Variants in ALOX5AP observed in about 807,000 individuals in gnomAD.
ALOX5AP encodes the protein arachidonate 5-lipoxygenase activating protein, also known as arachidonate 5-lipoxygenase-activating protein.
A neutral mutation model predicts 18.5 loss-of-function variants in ALOX5AP; 9 were observed. The observed-to-expected ratio is 0.49, with a 90% CI of 0.29 to 0.85. The LOEUF is 0.85. Ranked by LOEUF, ALOX5AP falls within the 40% of genes least tolerant of loss-of-function variation. The pLI is 0.08. For synonymous variants in ALOX5AP, 81 were observed against 78.6 expected (o/e 1.03, Z -0.16); for missense variants, 172 against 202.5 (o/e 0.85, Z 0.91).
upstream of ALOX5AP, among the ~76,000 whole-genome samples, chr13:30,731,942 T>G (rs1054556204): frequency 6.6e-6 from 1 of 152,234 alleles, no homozygotes; most frequent in Non-Finnish European, 1.5e-5. Flanking sequence ...TGTCTTTTTG[T>G]TCTGTCTCAG....
intron 1 of ALOX5AP, among the ~76,000 whole-genome samples, chr13:30,725,822 A>G (rs1378673369): frequency 6.6e-6 from 1 of 152,204 alleles, no homozygotes; most frequent in East Asian, 1.9e-4. Context: ...GCTTCTGATC[A>G]TGGGCTTCAC....
At chr13:30,756,788 G>A (rs1242535643) in intron 4 of ALOX5AP, among the ~76,000 whole-genome samples, 4 of 129,368 alleles carry the variant, frequency 3.1e-5, no homozygotes, top group Admixed American at 2.9e-4. Flanking sequence ...ACTCCAGCCT[G>A]GGCAACAAAA....
intron 1 of ALOX5AP, among the ~76,000 whole-genome samples, chr13:30,728,958 C>T (rs1019399188): frequency 6.6e-6 from 1 of 152,212 alleles, no homozygotes; most frequent in Non-Finnish European, 1.5e-5. Flanking sequence ...GTTCCAGTTG[C>T]TCCATACCCT....
intron 1 of ALOX5AP, among the ~76,000 whole-genome samples, chr13:30,719,330 C>A (rs144831212): frequency 6.6e-6 from 1 of 152,344 alleles, no homozygotes; most frequent in East Asian, 1.9e-4. Flanking sequence ...AGCTTCATTG[C>A]ATGCACATGG....
rs139556411 is a variant in ALOX5AP, at chr13:30,744,541, C to G, written c.170+382C>G. On this transcript the variant is annotated intron_variant, in intron 2 of 4. Coordinates refer to ENST00000380490, the MANE Select transcript of ALOX5AP (RefSeq NM_001629.4). ...CTTCAGAAGCCACAGGCAGGACATG[C>G]TGACGACAGCCTTCAACTCACCCAC... 4.1e-3 allele frequency: 695 copies of G among 168,544 alleles called. 2 individuals are homozygous for G. The highest frequency in any genetic ancestry group is 0.011 in the Admixed American group (188 of 17,146). The allele number at this position is 168,544 out of a possible 1,614,324, so 10.4% of individuals were successfully genotyped here.
At chr13:30,733,103 G>A (rs757318855), upstream of ALOX5AP, among the ~76,000 whole-genome samples, 1 of 149,382 alleles carries the variant, frequency 6.7e-6, no homozygotes, top group Non-Finnish European at 1.5e-5. Flanking sequence ...AGCTTGCAGT[G>A]AGCTGAGATC....
chr13:30,755,875 C>A, intron 3 of ALOX5AP, 69 bp from the exon 4 acceptor site: 3 of 1,461,782 alleles, frequency 2.1e-6, no homozygotes, highest in South Asian at 2.3e-5. Flanking sequence ...ATGTTGATTG[C>A]CTAATTGGGC....
At position 30,741,104 on chromosome 13, in the gene ALOX5AP, T is replaced by G. The variant is rs78339537; in HGVS notation, c.71-2956T>G. On this transcript the variant is annotated intron_variant, in intron 1 of 4. Coordinates refer to ENST00000380490, the MANE Select transcript of ALOX5AP (RefSeq NM_001629.4). ...TAACCTACACACATCCTCCATATCC[T>G]TTTTTTTTTTTTTTTTTTTTTTTTT... Among the ~76,000 whole-genome samples the G allele has an allele frequency of 6.4e-4, 4 of 6,294 alleles. No homozygotes were observed. The East Asian group carries it at 0.024, about 37-fold the overall frequency. 4.1% of individuals were successfully genotyped at this position (6,294 alleles called of 152,430 possible).
At chr13:30,753,217 G>A (rs1181787286) in intron 3 of ALOX5AP, among the ~76,000 whole-genome samples, 2 of 152,190 alleles carry the variant, frequency 1.3e-5, no homozygotes, top group Admixed American at 6.5e-5. Context: ...AGGTGAGGCG[G>A]CAGCAGAAAC....
rs553989709 is a variant in ALOX5AP, at chr13:30,717,679, T to A, written c.116+3838T>A. 7.9e-5 allele frequency among the ~76,000 whole-genome samples: 12 copies of A among 152,314 alleles called. No homozygotes were observed. The South Asian group carries it at 1.0e-3, about 13-fold the overall frequency. Reference sequence around the variant, plus strand: ...AAGGTCCCTAGTGCAGGAGCTTCTGTCCATGTGGAGCGGGGGTGCACCACC... The same window carrying A: ...AAGGTCCCTAGTGCAGGAGCTTCTGACCATGTGGAGCGGGGGTGCACCACC... On this transcript the variant is annotated intron_variant, in intron 1 of 5. Coordinates refer to the ALOX5AP transcript ENST00000617770.
At chr13:30,724,406 G>A (rs995171145) in intron 1 of ALOX5AP, among the ~76,000 whole-genome samples, 1 of 152,180 alleles carries the variant, frequency 6.6e-6, no homozygotes, top group Non-Finnish European at 1.5e-5. Context: ...AGTTTTGAAT[G>A]AGACCCCAGA....
intron 1 of ALOX5AP, among the ~76,000 whole-genome samples, chr13:30,717,739 C>A (rs1395988368): frequency 6.6e-6 from 1 of 152,180 alleles, no homozygotes; most frequent in African/African-American, 2.4e-5. Flanking sequence ...CTTCACCTGC[C>A]TATCAGCCTC....
At chr13:30,715,657 G>A (rs1951544602) in intron 1 of ALOX5AP, among the ~76,000 whole-genome samples, 1 of 152,178 alleles carries the variant, frequency 6.6e-6, no homozygotes, top group Admixed American at 6.5e-5. Flanking sequence ...TTGAAACCCT[G>A]TGGAGGCCAC....
At chr13:30,739,087 C>T (rs1387179242) in intron 1 of ALOX5AP, among the ~76,000 whole-genome samples, 1 of 152,044 alleles carries the variant, frequency 6.6e-6, no homozygotes, top group Non-Finnish European at 1.5e-5. Flanking sequence ...CCCAACCACC[C>T]CCCTCCACCG....
rs542057312 is a variant in ALOX5AP, at chr13:30,754,424, A to G, written c.242-1520A>G. Among the ~76,000 whole-genome samples, 3 of 152,302 alleles carry G rather than the reference A, an allele frequency of 2.0e-5. 1 individual carries two copies. The East Asian group carries it at 5.8e-4, about 29-fold the overall frequency. ...CAGTTACTCAGCTTTTCCAAGCCTC[A>G]GTTTCCTTATTGTAAAACAGGACCA... On this transcript the variant is annotated intron_variant, in intron 3 of 4. Coordinates refer to ENST00000380490, the MANE Select transcript of ALOX5AP (RefSeq NM_001629.4).
At chr13:30,763,009 A>G (rs4347481) in intron 4 of ALOX5AP, among the ~76,000 whole-genome samples, 146,098 of 152,262 alleles carry the variant, frequency 0.96, 70,255 homozygotes, top group East Asian at 1. Context: ...AGGATAGAGT[A>G]TATTAAAACA....
At chr13:30,721,960 A>C (rs977648687) in intron 1 of ALOX5AP, among the ~76,000 whole-genome samples, 1 of 152,170 alleles carries the variant, frequency 6.6e-6, no homozygotes, top group African/African-American at 2.4e-5. Context: ...GACATCCTCT[A>C]TAAAAAAAGA....
At chr13:30,733,924 C>T (rs1327843638), upstream of ALOX5AP, among the ~76,000 whole-genome samples, 3 of 152,098 alleles carry the variant, frequency 2.0e-5, no homozygotes, top group Non-Finnish European at 4.4e-5. Flanking sequence ...TGTTCTCCAG[C>T]TTTTGGATTC....
At chr13:30,762,868 A>T (rs1013955310) in intron 4 of ALOX5AP, among the ~76,000 whole-genome samples, 1 of 152,130 alleles carries the variant, frequency 6.6e-6, no homozygotes, top group Non-Finnish European at 1.5e-5. Context: ...CACCTCTCAG[A>T]TGGGCCAGCC....
Sources: allele counts gnomAD v4.1 joint callset (sites outside exome capture counted in the v4.1 genomes callset), GRCh38; gene constraint gnomAD v4.1.1; transcripts MANE v1.5; gene names NCBI Gene and HGNC (gene_info 2026-07-23, HGNC 2026-07-21).